SIPA1L1: variants seen among roughly 807,000 people sequenced by gnomAD.
The protein encoded by SIPA1L1 is signal induced proliferation associated 1 like 1.
In SIPA1L1, 26 loss-of-function variants were observed where a neutral mutation model predicts 162.7. The observed-to-expected ratio is 0.16, with a 90% confidence interval of 0.12 to 0.22. SIPA1L1 has a LOEUF of 0.22. SIPA1L1 is among the 10% of genes least tolerant of loss of function. SIPA1L1 has a pLI of 1.00. For synonymous variants in SIPA1L1, 829 were observed against 837.4 expected, an observed-to-expected ratio of 0.99 and a Z score of 0.17; for missense variants, 1,874 against 2,241.0, an observed-to-expected ratio of 0.84 and a Z score of 3.31.
At chr14:71,493,053 G>A (rs538183139) in intron 2 of SIPA1L1, among the ~76,000 whole-genome samples, 124 of 152,014 alleles carry the variant, frequency 8.2e-4, no homozygotes, top group African/African-American at 2.8e-3. Flanking sequence ...ATATATCTGT[G>A]GTGCCTGCCC....
At chr14:71,649,456 T>G (rs2042445469) in intron 7 of SIPA1L1, among the ~76,000 whole-genome samples, 1 of 152,192 alleles carries the variant, frequency 6.6e-6, no homozygotes, top group Non-Finnish European at 1.5e-5. Context: ...CCTCCCAAAG[T>G]GCTGGGATTA....
At chr14:71,629,738 GA>G (rs1197660166) in intron 7 of SIPA1L1, among the ~76,000 whole-genome samples, 1 of 152,194 alleles carries the variant, frequency 6.6e-6, no homozygotes, top group East Asian at 1.9e-4. Flanking sequence ...GCAGTGAAAT[GA>G]AAATATTTAT....
intron 13 of SIPA1L1, among the ~76,000 whole-genome samples, chr14:71,688,358 C>T (rs984809313): frequency 6.6e-6 from 1 of 152,104 alleles, no homozygotes; most frequent in African/African-American, 2.4e-5. Flanking sequence ...TTCCAAAATC[C>T]AAAACATTTC....
intron 14 of SIPA1L1, among the ~76,000 whole-genome samples, chr14:71,700,863 G>A (rs1022272710): frequency 1.4e-4 from 21 of 151,790 alleles, no homozygotes; most frequent in East Asian, 1.2e-3. Context: ...GTGTGGTGGC[G>A]GGTGCCCGCA....
chr14:71,486,129 A>G (rs984822539), intron 2 of SIPA1L1, among the ~76,000 whole-genome samples: 1 of 152,242 alleles, frequency 6.6e-6, no homozygotes, highest in African/African-American at 2.4e-5. Flanking sequence ...AAGATAGTGA[A>G]TCATGAAATA....
At chr14:71,653,608 TC>T (rs1240549316) in intron 8 of SIPA1L1, among the ~76,000 whole-genome samples, 1 of 152,146 alleles carries the variant, frequency 6.6e-6, no homozygotes, top group African/African-American at 2.4e-5. Flanking sequence ...TCTTCTGTAT[TC>T]TTTTTTCTCA....
chr14:71,404,017 A>G (rs930003463), intron 2 of SIPA1L1, among the ~76,000 whole-genome samples: 1 of 135,118 alleles, frequency 7.4e-6, no homozygotes, highest in Non-Finnish European at 1.6e-5. Flanking sequence ...CAGTGAAGAG[A>G]CTGTTTTGGT....
At chr14:71,458,316 A>G (rs1439188555) in intron 2 of SIPA1L1, among the ~76,000 whole-genome samples, 1 of 152,204 alleles carries the variant, frequency 6.6e-6, no homozygotes, top group East Asian at 1.9e-4. Flanking sequence ...TAGACATTGT[A>G]TGTAATAGTA....
At chr14:71,553,203 G>T (rs1372024905) in intron 4 of SIPA1L1, among the ~76,000 whole-genome samples, 1 of 152,188 alleles carries the variant, frequency 6.6e-6, no homozygotes, top group African/African-American at 2.4e-5. Context: ...GAATGTAGCA[G>T]ATTTTTAAAA....
chr14:71,503,206 A>T (rs771256462), intron 2 of SIPA1L1, among the ~76,000 whole-genome samples: 32 of 152,226 alleles, frequency 2.1e-4, no homozygotes, highest in Non-Finnish European at 7.3e-5. Flanking sequence ...AGCTCATTTT[A>T]TCCTAAGAAC....
intron 12 of SIPA1L1, among the ~76,000 whole-genome samples, chr14:71,682,435 G>A (rs923095975): frequency 5.9e-5 from 9 of 152,204 alleles, no homozygotes; most frequent in Non-Finnish European, 1.0e-4. Flanking sequence ...AGACCAGGAA[G>A]CCAGTGATGG....
At chr14:71,558,841 A>G (rs1297527267) in intron 4 of SIPA1L1, among the ~76,000 whole-genome samples, 3 of 152,002 alleles carry the variant, frequency 2.0e-5, no homozygotes, top group Non-Finnish European at 4.4e-5. Context: ...ACGCCGCTAC[A>G]CTTGGCTAAG....
chr14:71,592,307 A>G (rs2035505880), intron 5 of SIPA1L1, among the ~76,000 whole-genome samples: 1 of 152,224 alleles, frequency 6.6e-6, no homozygotes, highest in Non-Finnish European at 1.5e-5. Flanking sequence ...TTTGGAGCAG[A>G]AATTAAGCTC....
intron 17 of SIPA1L1, among the ~76,000 whole-genome samples, chr14:71,713,249 A>C (rs1411948710): frequency 1.3e-5 from 2 of 152,202 alleles, no homozygotes; most frequent in Non-Finnish European, 2.9e-5. Flanking sequence ...ACCAGTTCAA[A>C]AGTTACATAA....
At chr14:71,689,319 A>C (rs923920394) in intron 13 of SIPA1L1, among the ~76,000 whole-genome samples, 4 of 152,204 alleles carry the variant, frequency 2.6e-5, no homozygotes, top group African/African-American at 9.6e-5. Flanking sequence ...TAAATATATG[A>C]GTTTTATGCT....
intron 2 of SIPA1L1, among the ~76,000 whole-genome samples, chr14:71,470,326 G>A (rs1335938801): frequency 2.6e-5 from 4 of 152,184 alleles, no homozygotes; most frequent in Non-Finnish European, 5.9e-5. Context: ...GCTTGCTGTA[G>A]TGACTTTGGG....
chr14:71,708,872 A>C (rs1303255598), intron 16 of SIPA1L1, among the ~76,000 whole-genome samples: 2 of 152,196 alleles, frequency 1.3e-5, no homozygotes, highest in African/African-American at 4.8e-5. Flanking sequence ...CTTTCTAATT[A>C]TAATCCCTTT....
At chr14:71,686,741 C>G (rs1198837939) in intron 13 of SIPA1L1, among the ~76,000 whole-genome samples, 1 of 152,158 alleles carries the variant, frequency 6.6e-6, no homozygotes, top group African/African-American at 2.4e-5. Context: ...ATCCACTGTC[C>G]TTTCCCCATC....
rs377735064 is a variant in SIPA1L1 at position 71,409,266 on chromosome 14, A to G, written c.-465+88085A>G. Among the ~76,000 whole-genome samples the G allele has an allele frequency of 1.6e-3, 243 of 152,246 alleles. 2 individuals are homozygous for G. Among genetic ancestry groups the G allele is most frequent in the Middle Eastern group, 0.01 (3 of 294 alleles). On this transcript the variant is annotated intron_variant, in intron 2 of 23. Coordinates refer to ENST00000381232, the MANE Select transcript of SIPA1L1 (RefSeq NM_001386936.1). ...CTCTTGGCTCTCCACCTGGCCTTTGATGATGGGATGTGGGTGTGGGGTTGA... is the reference window on the plus strand; with the variant it reads ...CTCTTGGCTCTCCACCTGGCCTTTGGTGATGGGATGTGGGTGTGGGGTTGA...
Sources: allele counts gnomAD v4.1 joint callset (sites outside exome capture counted in the v4.1 genomes callset), GRCh38; gene constraint gnomAD v4.1.1; transcripts MANE v1.5; gene names NCBI Gene and HGNC (gene_info 2026-07-23, HGNC 2026-07-21).